Variants in ZFP1 observed in about 807,000 individuals in gnomAD.
ZFP1 encodes zinc finger protein 1 homolog.
ZFP1 carries 32 observed loss-of-function variants against 38.5 expected under a neutral mutation model. The ratio of observed to expected loss-of-function variants is 0.83; its 90% CI spans 0.63 to 1.12. The LOEUF is 1.12. Among genes scored for constraint, ZFP1 ranks in the 50% most tolerant of loss-of-function variants. ZFP1 has a pLI of 0.00. For synonymous variants in ZFP1, 245 were observed against 168.8 expected (o/e 1.45, Z -3.50); for missense variants, 616 against 480.8 (o/e 1.28, Z -2.63).
At chr16:75,150,932 G>T (rs1262139000) in intron 1 of ZFP1, among the ~76,000 whole-genome samples, 3 of 152,108 alleles carry the variant, frequency 2.0e-5, no homozygotes, top group East Asian at 3.8e-4. Context: ...TCAGCCTCCC[G>T]AGTAGCTAGG....
intron 2 of ZFP1, among the ~76,000 whole-genome samples, chr16:75,161,774 A>ATTTTT (rs200925992): frequency 5.1e-4 from 4 of 7,820 alleles, no homozygotes; most frequent in African/African-American, 7.8e-4. Context: ...ATATATATAT[A>ATTTTT]TTTTTTTTTT....
chr16:75,161,775 T>TA (rs59261786), intron 2 of ZFP1, among the ~76,000 whole-genome samples: 198 of 6,088 alleles, frequency 0.033, 14 homozygotes, highest in South Asian at 0.21. Flanking sequence ...TATATATATA[T>TA]TTTTTTTTTT....
chr16:75,159,776 T>C (rs1044728103), intron 2 of ZFP1, among the ~76,000 whole-genome samples: 1 of 152,184 alleles, frequency 6.6e-6, no homozygotes, highest in African/African-American at 2.4e-5. Context: ...ACATAGCTCC[T>C]TCTAAAAAAT....
chr16:75,137,261 A>C, the ZFP1 span, among the ~76,000 whole-genome samples: 3 of 152,082 alleles, frequency 2.0e-5, no homozygotes, highest in Admixed American at 2.0e-4. Context: ...AACTAAGTAG[A>C]ATAATATTGG....
chr16:75,136,810 G>C, the ZFP1 span, among the ~76,000 whole-genome samples: 1 of 152,120 alleles, frequency 6.6e-6, no homozygotes, highest in African/African-American at 2.4e-5. Context: ...GTTCAAGGCT[G>C]CAGTGAGCTA....
chr16:75,147,285 G>C (rs1016022693), upstream of ZFP1, among the ~76,000 whole-genome samples: 1 of 151,932 alleles, frequency 6.6e-6, no homozygotes, highest in Non-Finnish European at 1.5e-5. Flanking sequence ...CAATGATTTT[G>C]TTTTTTAATT....
intron 2 of ZFP1, among the ~76,000 whole-genome samples, chr16:75,165,870 C>G (rs144954000): frequency 6.6e-6 from 1 of 152,088 alleles, no homozygotes; most frequent in Admixed American, 6.5e-5. Flanking sequence ...TATATTAGAC[C>G]TTTTTAGCTT....
At chr16:75,148,850 G>A (rs1473454713) in intron 1 of ZFP1, 1 of 152,344 alleles carries the variant, frequency 6.6e-6, no homozygotes, top group Non-Finnish European at 1.5e-5. Flanking sequence ...CGGGGGCGGG[G>A]ACGGCGGAGG....
the ZFP1 span, among the ~76,000 whole-genome samples, chr16:75,137,712 C>A: frequency 1.3e-5 from 2 of 151,792 alleles, no homozygotes; most frequent in Non-Finnish European, 2.9e-5. Flanking sequence ...GTGATCCGCC[C>A]GCCTTGGCTT....
At chr16:75,155,417 T>A (rs559906174) in intron 2 of ZFP1, among the ~76,000 whole-genome samples, 10 of 152,366 alleles carry the variant, frequency 6.6e-5, no homozygotes, top group African/African-American at 2.2e-4. Flanking sequence ...ATTACAGGTG[T>A]GAGCCACCGT....
chr16:75,153,460 A>G (rs2037309023), intron 2 of ZFP1, among the ~76,000 whole-genome samples: 1 of 152,226 alleles, frequency 6.6e-6, no homozygotes, highest in Admixed American at 6.5e-5. Flanking sequence ...GTACATAATT[A>G]CACAAGTACA....
chr16:75,154,675 G>A (rs1174627301), intron 2 of ZFP1, among the ~76,000 whole-genome samples: 1 of 151,954 alleles, frequency 6.6e-6, no homozygotes, highest in Non-Finnish European at 1.5e-5. Flanking sequence ...AGAGACAGAG[G>A]GAGGGGGGCT....
At chr16:75,122,650 A>T in the ZFP1 span, among the ~76,000 whole-genome samples, 4 of 152,268 alleles carry the variant, frequency 2.6e-5, no homozygotes, top group African/African-American at 7.2e-5. Context: ...AAATAGCTAC[A>T]TCTTAAATTT....
At chr16:75,145,428 C>A (rs2036932248), upstream of ZFP1, among the ~76,000 whole-genome samples, 1 of 152,150 alleles carries the variant, frequency 6.6e-6, no homozygotes, top group Admixed American at 6.5e-5. Flanking sequence ...AGGGTTCTTA[C>A]CCTCAAGCTT....
chr16:75,134,092 C>T, the ZFP1 span, among the ~76,000 whole-genome samples: 1 of 152,086 alleles, frequency 6.6e-6, no homozygotes, highest in Non-Finnish European at 1.5e-5. Flanking sequence ...TTAAAAATTC[C>T]ACCTGGATTG....
the ZFP1 span, among the ~76,000 whole-genome samples, chr16:75,138,816 T>A: frequency 6.6e-6 from 1 of 152,316 alleles, no homozygotes; most frequent in East Asian, 1.9e-4. Flanking sequence ...GCCGACACCT[T>A]GCCTTTAGAC....
chr16:75,154,922 C>T (rs946731752), intron 2 of ZFP1, among the ~76,000 whole-genome samples: 4 of 151,972 alleles, frequency 2.6e-5, no homozygotes, highest in South Asian at 2.1e-4. Context: ...CTCAGCCTCC[C>T]GAGTAGCTGG....
chr16:75,163,986 A>G (rs1311129273), intron 2 of ZFP1, among the ~76,000 whole-genome samples: 1 of 152,192 alleles, frequency 6.6e-6, no homozygotes, highest in Non-Finnish European at 1.5e-5. Context: ...GATAACCAGT[A>G]TGTTTTGTGT....
intron 2 of ZFP1, among the ~76,000 whole-genome samples, chr16:75,165,687 G>A (rs773984546): frequency 7.2e-5 from 11 of 152,002 alleles, no homozygotes; most frequent in Non-Finnish European, 1.5e-4. Context: ...CCACCTCTGG[G>A]GTTTTAAATC....
Sources: allele counts gnomAD v4.1 joint callset (sites outside exome capture counted in the v4.1 genomes callset), GRCh38; gene constraint gnomAD v4.1.1; transcripts MANE v1.5; gene names NCBI Gene and HGNC (gene_info 2026-07-23, HGNC 2026-07-21).